The following MSTO1 variants were observed in gnomAD, a reference collection of about 807,000 sequenced individuals.
MSTO1 encodes misato mitochondrial distribution and morphology regulator 1, also known as protein misato homolog 1.
In MSTO1, 24 loss-of-function variants were observed where a neutral mutation model predicts 55.7. The observed-to-expected ratio is 0.43, with a 90% confidence interval of 0.31 to 0.61. The LOEUF is 0.61. Among genes scored for constraint, MSTO1 ranks in the 20% least tolerant of loss-of-function variants. The probability of loss-of-function intolerance (pLI) is 0.09; values close to 1 mark genes in which losing one functional copy is unlikely to be tolerated. For missense variants in MSTO1, 363 were observed against 625.7 expected (o/e 0.58, Z 4.48); for synonymous variants, 162 against 252.8 (o/e 0.64, Z 3.41).
At chr1:155,591,311 G>A in the MSTO1 span, 1 of 1,395,118 alleles carries the variant, frequency 7.2e-7, no homozygotes, top group African/African-American at 1.4e-5. Flanking sequence ...GAAATTCCTA[G>A]GCCAAGTCGA....
At chr1:155,585,790 TC>T in the MSTO1 span, among the ~76,000 whole-genome samples, 1 of 152,152 alleles carries the variant, frequency 6.6e-6, no homozygotes. Context: ...ATTATCAGTT[TC>T]CTTGTGTGCC....
the MSTO1 span, among the ~76,000 whole-genome samples, chr1:155,590,017 C>T: frequency 8.3e-6 from 1 of 120,636 alleles, no homozygotes; most frequent in African/African-American, 3.2e-5. Context: ...TGAGGCGGGG[C>T]GGGCAGGACA....
At chr1:155,610,008 A>T (rs574623283), upstream of MSTO1, 2 of 535,778 alleles carry the variant, frequency 3.7e-6, no homozygotes, top group East Asian at 3.3e-5. Flanking sequence ...AACGTGGAGC[A>T]GGAGCAACGG....
At chr1:155,566,676 C>T in the MSTO1 span, among the ~76,000 whole-genome samples, 2 of 151,988 alleles carry the variant, frequency 1.3e-5, no homozygotes, top group South Asian at 2.1e-4. Flanking sequence ...AGTGCAATGG[C>T]GTGATCTCGG....
the MSTO1 span, among the ~76,000 whole-genome samples, chr1:155,597,648 T>C: frequency 6.6e-6 from 1 of 151,290 alleles, no homozygotes; most frequent in South Asian, 2.1e-4. Flanking sequence ...TAGCTGGGAT[T>C]ACAGATATGC....
the MSTO1 span, among the ~76,000 whole-genome samples, chr1:155,592,536 G>A: frequency 6.6e-6 from 1 of 152,048 alleles, no homozygotes; most frequent in Non-Finnish European, 1.5e-5. Flanking sequence ...CAAAGCTGGA[G>A]TAACTCTAGT....
chr1:155,614,923 T>A lies in MSTO1; in HGVS notation c.*650T>A. The A allele has an allele frequency of 7.9e-7, 1 of 1,263,592 alleles. No individual in the cohort carries two copies. The highest frequency in any genetic ancestry group is 1.1e-6 in the Non-Finnish European group (1 of 883,852). The allele number at this position is 1,263,592 out of a possible 1,614,324, so 78.3% of individuals were successfully genotyped here. A position where few individuals can be genotyped will look rare whatever the true frequency, so the allele number is the denominator to read the frequency against. On this transcript the variant is annotated 3_prime_UTR_variant, in exon 14 of 14. Transcript: ENST00000245564. ...TGATCCTTAGTAACATGTTAACATT[T>A]ATGAAGCACTATATATTGATTTGCA...
rs919608384 is a variant in MSTO1, at chr1:155,614,692, T to C, written c.*419T>C. The C allele has an allele frequency of 3.8e-6, 6 of 1,565,886 alleles. No individual in the cohort carries two copies. The African/African-American group carries it at 5.4e-5, about 14-fold the overall frequency. On this transcript the variant is annotated 3_prime_UTR_variant, in exon 14 of 14. Coordinates refer to ENST00000245564, the MANE Select transcript of MSTO1 (RefSeq NM_018116.4). Reference sequence around the variant, plus strand: ...CCCGGTGCCAGGGCGCCTGTTGGGTTTGGTCCTGTGTAGATGATTCCCAGA... The same window carrying C: ...CCCGGTGCCAGGGCGCCTGTTGGGTCTGGTCCTGTGTAGATGATTCCCAGA...
At chr1:155,607,677 T>C (rs1176666782), upstream of MSTO1, among the ~76,000 whole-genome samples, 2 of 152,206 alleles carry the variant, frequency 1.3e-5, no homozygotes, top group Non-Finnish European at 2.9e-5. Context: ...AGAGTATCTA[T>C]AGAAACTTTT....
the MSTO1 span, among the ~76,000 whole-genome samples, chr1:155,589,087 C>T: frequency 1.3e-5 from 2 of 152,094 alleles, no homozygotes; most frequent in African/African-American, 4.8e-5. Flanking sequence ...CACCTGAGGT[C>T]GGGAGTTTGA....
At chr1:155,606,282 C>T (rs1221686117), upstream of MSTO1, among the ~76,000 whole-genome samples, 1 of 134,598 alleles carries the variant, frequency 7.4e-6, no homozygotes, top group Non-Finnish European at 1.6e-5. Flanking sequence ...TGGTCTCGAA[C>T]TCCTGGCCTT....
chr1:155,597,658 C>A, the MSTO1 span, among the ~76,000 whole-genome samples: 3 of 151,038 alleles, frequency 2.0e-5, no homozygotes, highest in African/African-American at 4.9e-5. Context: ...TACAGATATG[C>A]GCCACCACGC....
the MSTO1 span, chr1:155,598,815 T>G: frequency 2.4e-6 from 3 of 1,266,696 alleles, no homozygotes; most frequent in South Asian, 3.6e-5. Flanking sequence ...TAACAACATA[T>G]ATTTTAGATG....
upstream of MSTO1, among the ~76,000 whole-genome samples, chr1:155,606,885 A>AGT (rs1196096273): frequency 6.6e-6 from 1 of 152,000 alleles, no homozygotes. Context: ...CACAGGCTGG[A>AGT]GTGCAGTGGC....
At chr1:155,612,814 C>T in intron 9 of MSTO1, 30 bp from the exon 10 acceptor site, 3 of 1,612,352 alleles carry the variant, frequency 1.9e-6, no homozygotes, top group Non-Finnish European at 1.7e-6. Context: ...AGGCCTGAGG[C>T]CAAGTGCCCA....
chr1:155,588,265 A>C, the MSTO1 span, among the ~76,000 whole-genome samples: 1 of 152,194 alleles, frequency 6.6e-6, no homozygotes, highest in African/African-American at 2.4e-5. Flanking sequence ...AATGATTAAA[A>C]AACAAAATTG....
chr1:155,596,442 C>T, the MSTO1 span, among the ~76,000 whole-genome samples: 1 of 152,166 alleles, frequency 6.6e-6, no homozygotes, highest in African/African-American at 2.4e-5. Context: ...TTTAGGCCAC[C>T]TTTATATACA....
chr1:155,609,243 A>T (rs4425979), upstream of MSTO1, among the ~76,000 whole-genome samples: 38,596 of 56,132 alleles, frequency 0.69, 14,967 homozygotes, highest in Non-Finnish European at 0.73. Context: ...ATATATATAT[A>T]TTTTTTTTTT....
At chr1:155,571,790 G>T in the MSTO1 span, among the ~76,000 whole-genome samples, 10 of 152,246 alleles carry the variant, frequency 6.6e-5, no homozygotes, top group African/African-American at 2.2e-4. Context: ...GCTTACGCCT[G>T]TAATCCCAGC....
Sources: gnomAD v4.1 joint callset for allele counts (sites outside exome capture counted in the v4.1 genomes callset) on GRCh38, gnomAD v4.1.1 for gene constraint, MANE v1.5 for transcripts, NCBI Gene and HGNC (gene_info 2026-07-23, HGNC 2026-07-21) for gene names.